The following PCDHA7 variants were observed in gnomAD, a reference collection of about 807,000 sequenced individuals.
PCDHA7 encodes the protein protocadherin alpha 7, also known as protocadherin alpha-7.
A neutral mutation model predicts 57.2 loss-of-function variants in PCDHA7; 37 were observed. The observed-to-expected ratio is 0.65, with a 90% CI of 0.50 to 0.85. The LOEUF is 0.85. Ranked by LOEUF, PCDHA7 falls within the 40% of genes least tolerant of loss-of-function variation. The probability of loss-of-function intolerance (pLI) is 0.00; values close to 1 mark genes in which losing one functional copy is unlikely to be tolerated. For synonymous variants in PCDHA7, 553 were observed against 558.8 expected, an observed-to-expected ratio of 0.99 and a Z score of 0.15; for missense variants, 1,188 against 1,241.8, an observed-to-expected ratio of 0.96 and a Z score of 0.65.
chr5:140,840,228 G>A (rs1554137738), intron 1 of PCDHA7, among the ~76,000 whole-genome samples: 1 of 152,042 alleles, frequency 6.6e-6, no homozygotes, highest in African/African-American at 2.4e-5. Flanking sequence ...ATGAGTAAAT[G>A]TGGAGAATCA....
In PCDHA7 at chr5:140,842,931, C is replaced by T. The variant is rs1778399596; in HGVS notation, c.2355+6193C>T. Reference sequence around the variant, plus strand: ...GAGCTGCTGCAGTTCCAGGTGAGCGCGCGCGACGCGGGCGTGCCGCCTCTG... The same window carrying T: ...GAGCTGCTGCAGTTCCAGGTGAGCGTGCGCGACGCGGGCGTGCCGCCTCTG... On this transcript the variant is annotated intron_variant, in intron 1 of 3. Coordinates refer to ENST00000525929, the MANE Select transcript of PCDHA7 (RefSeq NM_018910.3). The T allele has an allele frequency of 1.9e-6, 3 of 1,594,502 alleles. 1 individual carries two copies. Among genetic ancestry groups the T allele is most frequent in the Non-Finnish European group, 2.6e-6 (3 of 1,165,448 alleles).
rs529585383 is a variant in PCDHA7 at position 140,982,571 on chromosome 5, G to T, written c.2503+8G>T. 243 of 1,613,888 alleles carry T rather than the reference G, an allele frequency of 1.5e-4. 4 individuals carry two copies. The South Asian group carries it at 2.5e-3, about 17-fold the overall frequency. ...TATCCAGTGCAACACCAGGTAAAGAGCTGGGGTCTCTCCATTCTTTCTTGG... is the reference window on the plus strand; with the variant it reads ...TATCCAGTGCAACACCAGGTAAAGATCTGGGGTCTCTCCATTCTTTCTTGG... On this transcript the variant is annotated splice_region_variant and intron_variant, in intron 3 of 3. Transcript: ENST00000525929.
chr5:141,003,741 A>G (rs1291595687), intron 3 of PCDHA7, among the ~76,000 whole-genome samples: 5 of 152,180 alleles, frequency 3.3e-5, no homozygotes, highest in South Asian at 2.1e-4. Flanking sequence ...AAGCAAAACC[A>G]TATTTTGTAT....
chr5:140,843,885 G>A, intron 1 of PCDHA7: 1 of 709,038 alleles, frequency 1.4e-6, no homozygotes, highest in South Asian at 2.0e-5. Context: ...GCATAATACA[G>A]TATTAATCAT....
intron 1 of PCDHA7, chr5:140,870,544 G>T: frequency 6.2e-7 from 1 of 1,614,124 alleles, no homozygotes. Context: ...GGCGCGGGAC[G>T]CGGACGCGCA....
At chr5:140,873,414 G>T (rs184525297) in intron 1 of PCDHA7, among the ~76,000 whole-genome samples, 57 of 152,118 alleles carry the variant, frequency 3.7e-4, no homozygotes, top group African/African-American at 1.2e-3. Flanking sequence ...TTAAAATTTT[G>T]TAAATTATTA....
intron 1 of PCDHA7, among the ~76,000 whole-genome samples, chr5:140,918,383 C>A (rs1227959801): frequency 4.6e-5 from 7 of 152,124 alleles, no homozygotes. Flanking sequence ...CCTTTTATTT[C>A]TTTCTCTTGC....
intron 1 of PCDHA7, among the ~76,000 whole-genome samples, chr5:140,941,227 CTT>C (rs797022976): frequency 1.5e-5 from 2 of 136,000 alleles, no homozygotes; most frequent in Admixed American, 7.7e-5. Context: ...TTCTTTCTTT[CTT>C]TCTTTCTTTC....
At chr5:140,986,954 C>T (rs2097219916) in intron 3 of PCDHA7, among the ~76,000 whole-genome samples, 1 of 152,154 alleles carries the variant, frequency 6.6e-6, no homozygotes, top group African/African-American at 2.4e-5. Context: ...TCGCTCATGC[C>T]TGTAATTCCA....
At chr5:140,860,617 A>G (rs2046479685) in intron 1 of PCDHA7, 1 of 152,238 alleles carries the variant, frequency 6.6e-6, no homozygotes, top group Non-Finnish European at 1.5e-5. Context: ...GAGAAACATA[A>G]ACATATGCAG....
At position 141,009,807 on chromosome 5, in the gene PCDHA7, T is replaced by C. The variant is rs1554262456; in HGVS notation, c.2684T>C (p.Ile895Thr). ...CGGCAGGAGCCTACTAACAGCCAAA[T>C]TGACAAAAGTGACTTCATAACCTTC... is the stretch of plus-strand genomic sequence containing the variant. ...SIRQEPTNSQIDKSDFITFGK... is the reference protein window; with the variant it reads ...SIRQEPTNSQTDKSDFITFGK... Residue 895 changes from isoleucine to threonine, a missense_variant, in exon 4 of 4, where the codon ATT (isoleucine) becomes ACT (threonine). Ile to Thr is a moderately conservative substitution (Grantham distance 89). This residue lies in a region of PCDHA7 where 892 missense variants were observed against 788.5 expected (regional missense o/e 1.13). Transcript: ENST00000525929. 9.9e-6 allele frequency: 16 copies of C among 1,613,824 alleles called. No homozygotes were observed. Among genetic ancestry groups the C allele is most frequent in the South Asian group, 1.1e-5 (1 of 91,066 alleles).
intron 1 of PCDHA7, among the ~76,000 whole-genome samples, chr5:140,873,335 T>C (rs192894155): frequency 6.6e-6 from 1 of 152,358 alleles, no homozygotes; most frequent in African/African-American, 2.4e-5. Flanking sequence ...CATACATTAC[T>C]CATCTCCAGA....
rs2150265383 is a variant in PCDHA7, at chr5:140,836,605, G to A, written c.2222G>A (p.Cys741Tyr). ...ACSLVKPTLV[C>Y]SSAVGSWSFS... is the part of the protein sequence containing the mutation. ...AGTTTGGTAAAGCCCACTCTGGTGT[G>A]CTCCAGCGCGGTGGGGAGCTGGTCA... Residue 741 changes from cysteine (C) to tyrosine (Y), a missense_variant, in exon 1 of 4, where the codon TGC becomes TAC. By Grantham distance (194) the Cys-to-Tyr change is radical (BLOSUM62 -2). This residue lies in a region of PCDHA7 where 892 missense variants were observed against 788.5 expected (regional missense o/e 1.13). Coordinates refer to ENST00000525929, the MANE Select transcript of PCDHA7 (RefSeq NM_018910.3). 1 of 1,613,738 alleles carries A rather than the reference G, an allele frequency of 6.2e-7. No homozygotes were observed.
chr5:140,834,707 G>T lies in PCDHA7; in HGVS notation c.324G>T (p.Val108=). 6.2e-7 allele frequency: 1 copy of T among 1,614,262 alleles called. No homozygotes were observed. Among genetic ancestry groups the T allele is most frequent in the Non-Finnish European group, 8.5e-7 (1 of 1,180,052 alleles). The change falls in exon 1 of 4, where the codon GTG becomes GTT. Residue 108 remains valine (V), a synonymous_variant. Coordinates refer to ENST00000525929, the MANE Select transcript of PCDHA7 (RefSeq NM_018910.3). ...CGGAGTGCAGCATCCACCTGGAGGT[G>T]ATCGTGGAAAGGCCGCTGCAGGTTT... ...RSAECSIHLE[V]IVERPLQVFH... is the part of the protein sequence containing the mutation.
chr5:140,899,384 A>G (rs2067296665), intron 1 of PCDHA7, among the ~76,000 whole-genome samples: 2 of 152,124 alleles, frequency 1.3e-5, no homozygotes, highest in Admixed American at 1.3e-4. Context: ...TAATTTATTG[A>G]GAGTTTTTAG....
At chr5:140,838,002 T>TA (rs1491059163) in intron 1 of PCDHA7, among the ~76,000 whole-genome samples, 1 of 151,590 alleles carries the variant, frequency 6.6e-6, no homozygotes, top group African/African-American at 2.4e-5. Context: ...TCCTTTTTTT[T>TA]AAAAAAAGAA....
intron 1 of PCDHA7, chr5:140,841,610 G>A (rs199713478): frequency 9.3e-7 from 1 of 1,080,210 alleles, no homozygotes; most frequent in Admixed American, 2.5e-5. Context: ...GGAGCTGTGC[G>A]GGCGGAGCGC....
rs2098414886 is a variant in PCDHA7, at chr5:141,009,848, A to T, written c.2725A>T (p.Thr909Ser). 7 of 1,614,012 alleles carry T rather than the reference A, an allele frequency of 4.3e-6. No homozygotes were observed. Among genetic ancestry groups the T allele is most frequent in the Non-Finnish European group, 5.1e-6 (6 of 1,180,014 alleles). ...DFITFGKKEE[T>S]KKKKKKKKGN... ...CATAACCTTCGGCAAAAAGGAGGAGACCAAGAAAAAGAAGAAAAAGAAGAA... is the reference window on the plus strand; with the variant it reads ...CATAACCTTCGGCAAAAAGGAGGAGTCCAAGAAAAAGAAGAAAAAGAAGAA... The change falls in exon 4 of 4, where the codon ACC becomes TCC. Residue 909 changes from threonine (T) to serine (S), a missense_variant. Thr to Ser is a moderately conservative substitution (Grantham distance 58). Around this residue, in one of 3 missense-constraint regions of PCDHA7, gnomAD observed 892 missense variants for 788.5 expected, o/e 1.13. Transcript: ENST00000525929.
intron 3 of PCDHA7, among the ~76,000 whole-genome samples, chr5:140,995,211 A>G (rs529613370): frequency 2.6e-5 from 4 of 152,188 alleles, no homozygotes; most frequent in Non-Finnish European, 4.4e-5. Context: ...ATTAGGCACA[A>G]TACTCTTGTG....
Sources: allele counts gnomAD v4.1 joint callset (sites outside exome capture counted in the v4.1 genomes callset), GRCh38; gene constraint gnomAD v4.1.1; regional missense constraint gnomAD v4.1.1; transcripts MANE v1.5; gene names NCBI Gene and HGNC (gene_info 2026-07-23, HGNC 2026-07-21).